Variants in DMD observed in about 807,000 individuals in gnomAD.
The protein encoded by DMD is dystrophin.
A neutral mutation model predicts 330.1 loss-of-function variants in DMD; 63 were observed. That is an observed-to-expected ratio of 0.19 (90% CI 0.16 to 0.24). The LOEUF (loss-of-function observed/expected upper bound fraction) is 0.24. Ranked by LOEUF, DMD falls within the 10% of genes least tolerant of loss-of-function variation. The pLI is 1.00. For missense variants in DMD, 3,344 were observed against 2,684.1 expected (o/e 1.25, Z -5.43); for synonymous variants, 1,223 against 959.8 (o/e 1.27, Z -5.07).
At chrX:32,868,929 C>T (rs2082731965) in intron 2 of DMD, among the ~76,000 whole-genome samples, 1 of 111,981 alleles carries the variant, frequency 8.9e-6, no homozygotes, top group Non-Finnish European at 1.9e-5. Flanking sequence ...GGTCCTGGAT[C>T]CCGTGCACCC....
intron 47 of DMD, 28 bp downstream of exon 47, chrX:31,929,568 G>A: frequency 1.7e-6 from 2 of 1,206,678 alleles, no homozygotes; most frequent in Non-Finnish European, 2.2e-6. Flanking sequence ...TTTAACACAT[G>A]TGACGGAAGA....
At chrX:32,896,082 A>T (rs2149277160) in intron 2 of DMD, among the ~76,000 whole-genome samples, 1 of 111,475 alleles carries the variant, frequency 9.0e-6, no homozygotes, top group African/African-American at 3.3e-5. Flanking sequence ...AACTGTATAC[A>T]GAGGTTTATG....
chrX:31,866,651 GACTT>G (rs2093804206), intron 48 of DMD, among the ~76,000 whole-genome samples: 1 of 111,957 alleles, frequency 8.9e-6, no homozygotes, highest in African/African-American at 3.2e-5. Context: ...TATAAAATAA[GACTT>G]ACTAATGGTT....
At chrX:31,210,944 A>C (rs774453829) in intron 64 of DMD, among the ~76,000 whole-genome samples, 3 of 112,102 alleles carry the variant, frequency 2.7e-5, no homozygotes, top group Non-Finnish European at 5.6e-5. Context: ...AAAATCCTGG[A>C]GTTTCCCCAG....
At chrX:31,587,370 C>T (rs1019034218) in intron 55 of DMD, among the ~76,000 whole-genome samples, 1 of 111,693 alleles carries the variant, frequency 9.0e-6, no homozygotes, top group Non-Finnish European at 1.9e-5. Flanking sequence ...GTAATGCATA[C>T]GATAATTGGC....
chrX:32,276,956 AG>A (rs949364541), intron 43 of DMD, among the ~76,000 whole-genome samples: 2 of 110,766 alleles, frequency 1.8e-5, no homozygotes, highest in African/African-American at 6.6e-5. Flanking sequence ...TAGAAAAAAA[AG>A]AGAGAGAAGA....
intron 1 of DMD, among the ~76,000 whole-genome samples, chrX:33,196,358 G>A (rs1603410059): frequency 9.0e-6 from 1 of 111,404 alleles, no homozygotes; most frequent in African/African-American, 3.3e-5. Context: ...GACCTTGTAC[G>A]TTAGGACCTT....
chrX:31,223,905 G>A (rs1344147247), intron 63 of DMD, among the ~76,000 whole-genome samples: 5 of 112,310 alleles, frequency 4.5e-5, no homozygotes, highest in African/African-American at 1.6e-4. Flanking sequence ...TAAACATTTG[G>A]CTCTATATTC....
chrX:32,817,398 A>T (rs1466680750), intron 5 of DMD, among the ~76,000 whole-genome samples: 3 of 112,239 alleles, frequency 2.7e-5, no homozygotes, highest in Non-Finnish European at 5.6e-5. Context: ...GCATGTGCAG[A>T]TGTTATTCAA....
intron 44 of DMD, among the ~76,000 whole-genome samples, chrX:32,001,663 T>C (rs755847505): frequency 9.0e-6 from 1 of 111,540 alleles, no homozygotes; most frequent in Non-Finnish European, 1.9e-5. Context: ...ATTTTTGAAA[T>C]TATTGGAGGT....
chrX:32,121,211 C>T (rs1032713400), intron 44 of DMD, among the ~76,000 whole-genome samples: 1 of 110,931 alleles, frequency 9.0e-6, no homozygotes, highest in Admixed American at 9.6e-5. Flanking sequence ...AACTTGAGAT[C>T]GAAAGACAAA....
chrX:32,503,825 G>A (rs1056953698), intron 18 of DMD, among the ~76,000 whole-genome samples: 8 of 111,586 alleles, frequency 7.2e-5, no homozygotes, highest in Non-Finnish European at 1.5e-4. Context: ...GTGGGGCGGG[G>A]GGATTACAGG....
In DMD at chrX:31,554,847, C is replaced by G. The variant is rs763368956; in HGVS notation, c.8218-47394G>C. 3.6e-5 allele frequency among the ~76,000 whole-genome samples: 4 copies of G among 111,554 alleles called. No individual in the cohort carries two copies. The Admixed American group carries it at 3.8e-4, about 11-fold the overall frequency. On this transcript the variant is annotated intron_variant, in intron 55 of 78. Coordinates refer to ENST00000357033, the MANE Select transcript of DMD (RefSeq NM_004006.3). ...CATGGGCAATTGAAATACCATATGG[C>G]AAAGGGTAAGACAAATGTACTGAAG... is the stretch of plus-strand genomic sequence containing the variant.
chrX:31,951,976 G>T (rs1247881282), intron 45 of DMD, among the ~76,000 whole-genome samples: 1 of 110,835 alleles, frequency 9.0e-6, no homozygotes, highest in Non-Finnish European at 1.9e-5. Context: ...GTTTTATGCG[G>T]AATTCTTGGT....
chrX:31,896,657 C>T (rs143474142), intron 47 of DMD, among the ~76,000 whole-genome samples: 1,378 of 111,447 alleles, frequency 0.012, 19 homozygotes, highest in African/African-American at 0.04. Context: ...TATTCTTTTA[C>T]CTTTATTGAG....
intron 9 of DMD, among the ~76,000 whole-genome samples, chrX:32,657,277 T>A (rs1333918091): frequency 1.8e-5 from 2 of 111,355 alleles, no homozygotes; most frequent in South Asian, 3.7e-4. Flanking sequence ...GAGAAAATAA[T>A]AGAAGATTTA....
Position 31,180,505 on chromosome X carries a change from C to T in DMD, c.9975-24G>A, listed in dbSNP as rs761393376. 33 of 976,353 alleles carry T rather than the reference C, an allele frequency of 3.4e-5. No homozygotes were observed. Among genetic ancestry groups the T allele is most frequent in the Non-Finnish European group, 4.3e-5 (29 of 681,073 alleles). 80.5% of individuals were successfully genotyped at this position (976,353 alleles called of 1,213,427 possible). ...ACCTGATAAAGAGCAAAAACAAACACGTATGTATTTCTTCGAATCAAATTC... is the reference window on the plus strand; with the variant it reads ...ACCTGATAAAGAGCAAAAACAAACATGTATGTATTTCTTCGAATCAAATTC... On this transcript the variant is annotated intron_variant, in intron 68 of 78. Coordinates refer to ENST00000357033, the MANE Select transcript of DMD (RefSeq NM_004006.3).
intron 37 of DMD, among the ~76,000 whole-genome samples, chrX:32,354,398 A>G (rs183962748): frequency 9.0e-6 from 1 of 111,432 alleles, no homozygotes; most frequent in East Asian, 2.8e-4. Flanking sequence ...AAGGACAAGT[A>G]ACACACTATA....
intron 47 of DMD, among the ~76,000 whole-genome samples, chrX:31,885,611 C>CAAAAAAAAAAAAAA (rs762289533): frequency 5.7e-5 from 3 of 52,341 alleles, no homozygotes; most frequent in South Asian, 1.1e-3. Flanking sequence ...CTCCGTCTCA[C>CAAAAAAAAAAAAAA]AAAAAAAAAA....
Sources: allele counts gnomAD v4.1 joint callset (sites outside exome capture counted in the v4.1 genomes callset), GRCh38; gene constraint gnomAD v4.1.1; transcripts MANE v1.5; gene names NCBI Gene and HGNC (gene_info 2026-07-23, HGNC 2026-07-21).